Variants in TNIK observed in about 807,000 individuals in gnomAD.
TNIK encodes the protein TRAF2 and NCK-interacting protein kinase.
TNIK carries 49 observed loss-of-function variants against 191.3 expected under a neutral mutation model. The observed-to-expected ratio is 0.26, with a 90% CI of 0.20 to 0.32. The LOEUF (loss-of-function observed/expected upper bound fraction) is 0.32, where lower values mean the gene tolerates loss of function less well. Ranked by LOEUF, TNIK falls within the 10% of genes least tolerant of loss-of-function variation. TNIK has a pLI of 1.00. For synonymous variants in TNIK, 594 were observed against 600.9 expected, an observed-to-expected ratio of 0.99 and a Z score of 0.17; for missense variants, 1,155 against 1,702.3, an observed-to-expected ratio of 0.68 and a Z score of 5.66.
chr3:171,355,885 C>T (rs1362189041), intron 2 of TNIK, among the ~76,000 whole-genome samples: 1 of 152,110 alleles, frequency 6.6e-6, no homozygotes, highest in Non-Finnish European at 1.5e-5. Flanking sequence ...TGTCTCTCCC[C>T]ACCCTCAACC....
chr3:171,456,929 C>A (rs867149439), intron 1 of TNIK, among the ~76,000 whole-genome samples: 1 of 152,218 alleles, frequency 6.6e-6, no homozygotes, highest in Non-Finnish European at 1.5e-5. Flanking sequence ...TCCTCGCTGT[C>A]CCCTCCCCTT....
At chr3:171,215,975 C>T (rs1741411265) in intron 3 of TNIK, among the ~76,000 whole-genome samples, 1 of 152,194 alleles carries the variant, frequency 6.6e-6, no homozygotes, top group African/African-American at 2.4e-5. Context: ...ATAAATGCCA[C>T]TATCCCATAG....
At chr3:171,428,130 C>T (rs545067946) in intron 1 of TNIK, among the ~76,000 whole-genome samples, 7 of 152,150 alleles carry the variant, frequency 4.6e-5, no homozygotes, top group Non-Finnish European at 1.0e-4. Flanking sequence ...CCAACTTAAG[C>T]TTTATTAGGA....
At chr3:171,270,026 T>C (rs1748886989) in intron 2 of TNIK, among the ~76,000 whole-genome samples, 1 of 152,108 alleles carries the variant, frequency 6.6e-6, no homozygotes, top group South Asian at 2.1e-4. Flanking sequence ...GAAAATAAAC[T>C]CACACACCCA....
At chr3:171,119,130 A>C (rs1272343243) in intron 18 of TNIK, among the ~76,000 whole-genome samples, 1 of 152,244 alleles carries the variant, frequency 6.6e-6, no homozygotes, top group African/African-American at 2.4e-5. Flanking sequence ...AAGTGGGCAA[A>C]GGATATGAAC....
intron 1 of TNIK, among the ~76,000 whole-genome samples, chr3:171,452,894 C>T (rs1728356577): frequency 6.6e-6 from 1 of 152,080 alleles, no homozygotes; most frequent in Admixed American, 6.6e-5. Flanking sequence ...CAGGACCAGG[C>T]ATAGTATTTC....
chr3:171,162,285 G>C (rs117249699), intron 10 of TNIK, among the ~76,000 whole-genome samples: 4 of 151,970 alleles, frequency 2.6e-5, no homozygotes, highest in Admixed American at 6.6e-5. Context: ...TTAGCTGGGC[G>C]TGGTTACAGG....
chr3:171,425,589 G>A (rs1359990242), intron 1 of TNIK, among the ~76,000 whole-genome samples: 2 of 152,122 alleles, frequency 1.3e-5, no homozygotes, highest in Non-Finnish European at 2.9e-5. Context: ...ACTTTGGGAG[G>A]CTGAGGAGGG....
chr3:171,298,511 G>T (rs1752558362), intron 2 of TNIK, among the ~76,000 whole-genome samples: 1 of 152,160 alleles, frequency 6.6e-6, no homozygotes, highest in East Asian at 1.9e-4. Flanking sequence ...AGTAACTTGT[G>T]GCCAGAAGTG....
intron 2 of TNIK, among the ~76,000 whole-genome samples, chr3:171,250,390 A>G (rs1441279682): frequency 6.6e-6 from 1 of 152,216 alleles, no homozygotes; most frequent in Non-Finnish European, 1.5e-5. Flanking sequence ...ATGTAACCTA[A>G]GCCCTAGTCC....
upstream of TNIK, chr3:171,460,407 A>C: frequency 5.4e-6 from 2 of 373,824 alleles, no homozygotes; most frequent in Non-Finnish European, 5.0e-6. The surrounding 1 kb of genome is among the most constrained non-coding windows in gnomAD (Gnocchi z 6.8). Context: ...GGCTGTTATA[A>C]TGAGACACAT....
intron 2 of TNIK, among the ~76,000 whole-genome samples, chr3:171,273,417 A>T (rs1296013155): frequency 2.0e-5 from 3 of 152,100 alleles, no homozygotes; most frequent in Admixed American, 2.0e-4. Flanking sequence ...ATCTTTCTGC[A>T]TTGTGCTGCC....
At chr3:171,300,159 G>T (rs1752726409) in intron 2 of TNIK, among the ~76,000 whole-genome samples, 1 of 152,166 alleles carries the variant, frequency 6.6e-6, no homozygotes, top group South Asian at 2.1e-4. Context: ...TGGGAGTGAG[G>T]TCCAGAAAAA....
At chr3:171,183,033 T>C (rs1266333977) in intron 7 of TNIK, among the ~76,000 whole-genome samples, 1 of 152,150 alleles carries the variant, frequency 6.6e-6, no homozygotes, top group African/African-American at 2.4e-5. Flanking sequence ...CGAATGTGGG[T>C]ACAGATAGAC....
chr3:171,157,387 C>G lies in TNIK; in HGVS notation c.1221+73G>C. ...TGTGTGCTCACAGGTGGGATGTGGG[C>G]CCCCAGGGAATGCTTGGAGAGTGAC... On this transcript the variant is annotated intron_variant, in intron 12 of 32. Coordinates refer to ENST00000436636, the MANE Select transcript of TNIK (RefSeq NM_015028.4). 3.3e-6 allele frequency: 5 copies of G among 1,509,758 alleles called. No homozygotes were observed. The South Asian group carries it at 6.3e-5, about 19-fold the overall frequency. 93.5% of individuals were successfully genotyped at this position (1,509,758 alleles called of 1,614,324 possible).
intron 3 of TNIK, among the ~76,000 whole-genome samples, chr3:171,219,069 A>ATATAAATATATAAT (rs1741894809): frequency 1.1e-5 from 1 of 89,430 alleles, no homozygotes; most frequent in Non-Finnish European, 2.0e-5. Flanking sequence ...TATATTAAAT[A>ATATAAATATATAAT]TATAAATATA....
intron 7 of TNIK, among the ~76,000 whole-genome samples, chr3:171,180,793 G>C (rs1736556106): frequency 6.6e-6 from 1 of 152,166 alleles, no homozygotes; most frequent in Non-Finnish European, 1.5e-5. Flanking sequence ...CTAAGGACTT[G>C]AGTATTCACC....
At chr3:171,278,498 T>A (rs897859363) in intron 2 of TNIK, among the ~76,000 whole-genome samples, 4 of 152,092 alleles carry the variant, frequency 2.6e-5, no homozygotes, top group African/African-American at 9.7e-5. Flanking sequence ...TAAAAAAAAT[T>A]TAAAAACATA....
chr3:171,193,697 TAA>T (rs1560242449), intron 5 of TNIK, among the ~76,000 whole-genome samples: 1 of 152,194 alleles, frequency 6.6e-6, no homozygotes, highest in African/African-American at 2.4e-5. Context: ...GAACACACAG[TAA>T]AAAAGTTTTA....
Sources: gnomAD v4.1 joint callset for allele counts (sites outside exome capture counted in the v4.1 genomes callset) on GRCh38, gnomAD v4.1.1 for gene constraint, Gnocchi (gnomAD v3.1) non-coding constraint, MANE v1.5 for transcripts, NCBI Gene and HGNC (gene_info 2026-07-23, HGNC 2026-07-21) for gene names.